TENM3: variants seen among roughly 807,000 people sequenced by gnomAD.
TENM3 encodes teneurin-3.
A neutral mutation model predicts 255.1 loss-of-function variants in TENM3; 63 were observed. The observed-to-expected ratio is 0.25, with a 90% CI of 0.20 to 0.30. TENM3 has a LOEUF of 0.30. Among genes scored for constraint, TENM3 ranks in the 10% least tolerant of loss-of-function variants. TENM3 has a pLI of 1.00. For synonymous variants in TENM3, 1,306 were observed against 1,322.3 expected, an observed-to-expected ratio of 0.99 and a Z score of 0.27; for missense variants, 2,929 against 3,461.1, an observed-to-expected ratio of 0.85 and a Z score of 3.86.
chr4:182,023,767 A>G, the TENM3 span, among the ~76,000 whole-genome samples: 1 of 152,224 alleles, frequency 6.6e-6, no homozygotes, highest in African/African-American at 2.4e-5. Context: ...AAGATCAAAG[A>G]TCAATTTTGC....
chr4:181,982,000 C>T, the TENM3 span, among the ~76,000 whole-genome samples: 5 of 152,014 alleles, frequency 3.3e-5, no homozygotes, highest in African/African-American at 1.2e-4. Flanking sequence ...TGAATGTTTG[C>T]CTGGGGAGTG....
At chr4:182,153,033 A>G (rs985187918) in intron 1 of TENM3, among the ~76,000 whole-genome samples, 1 of 151,916 alleles carries the variant, frequency 6.6e-6, no homozygotes, top group Non-Finnish European at 1.5e-5. Context: ...TAAATTATCT[A>G]CACTTGGGCT....
At chr4:181,667,803 G>A in the TENM3 span, among the ~76,000 whole-genome samples, 16 of 152,140 alleles carry the variant, frequency 1.1e-4, no homozygotes, top group Non-Finnish European at 2.4e-4. Context: ...CCTTTACAGA[G>A]AGAACTCTGG....
At chr4:182,522,451 G>A (rs1337296405) in intron 3 of TENM3, among the ~76,000 whole-genome samples, 1 of 152,110 alleles carries the variant, frequency 6.6e-6, no homozygotes, top group Non-Finnish European at 1.5e-5. Flanking sequence ...GTCTTCCTGT[G>A]CCTGGCTTAT....
At chr4:182,133,106 A>G in the TENM3 span, among the ~76,000 whole-genome samples, 8 of 152,340 alleles carry the variant, frequency 5.3e-5, no homozygotes, top group Admixed American at 3.9e-4. Flanking sequence ...ACTTGTTTTT[A>G]TGCTTTTCCC....
chr4:181,569,072 C>A, the TENM3 span, among the ~76,000 whole-genome samples: 1 of 152,146 alleles, frequency 6.6e-6, no homozygotes, highest in Non-Finnish European at 1.5e-5. Flanking sequence ...GTGGCTCATG[C>A]CTATAATCCC....
At position 182,615,070 on chromosome 4, in the gene TENM3, T is replaced by TATGTA. The variant is rs201005312; in HGVS notation, c.750-13581_750-13580insATGTA. On this transcript the variant is annotated intron_variant, in intron 4 of 27. Coordinates refer to ENST00000511685, the MANE Select transcript of TENM3 (RefSeq NM_001080477.4). Reference sequence around the variant, plus strand: ...ACATATATATATATATATATATGTATTTTTTTTTTCTTCTCCAAATAGCAG... The same window carrying TATGTA: ...ACATATATATATATATATATATGTATATGTATTTTTTTTTCTTCTCCAAATAGCAG... Among the ~76,000 whole-genome samples, 503 of 82,558 alleles carry TATGTA rather than the reference T, an allele frequency of 6.1e-3. 2 individuals are homozygous for TATGTA. Among genetic ancestry groups the TATGTA allele is most frequent in the East Asian group, 0.018 (57 of 3,206 alleles). The allele number at this position is 82,558 out of a possible 152,430, so 54.2% of individuals were successfully genotyped here.
chr4:182,596,505 A>G (rs1052547332), intron 3 of TENM3, among the ~76,000 whole-genome samples: 1 of 152,210 alleles, frequency 6.6e-6, no homozygotes, highest in Non-Finnish European at 1.5e-5. Flanking sequence ...TTACCTGGAG[A>G]AAACAGAGGT....
the TENM3 span, among the ~76,000 whole-genome samples, chr4:181,894,354 G>C: frequency 6.6e-6 from 1 of 152,166 alleles, no homozygotes; most frequent in African/African-American, 2.4e-5. Context: ...TCAGAAGCTT[G>C]TGCCGTGGAG....
rs114651010 is a variant in TENM3 at position 182,639,407 on chromosome 4, A to C, written c.988+10518A>C. On this transcript the variant is annotated intron_variant, in intron 5 of 27. Transcript: ENST00000511685. ...TTGAATAATGTGCCTGGCAAAATGTAAGTGCTCAGTTAATTTTAGCTCTTC... is the reference window on the plus strand; with the variant it reads ...TTGAATAATGTGCCTGGCAAAATGTCAGTGCTCAGTTAATTTTAGCTCTTC... Among the ~76,000 whole-genome samples the C allele has an allele frequency of 4.2e-3, 637 of 152,288 alleles. 3 individuals carry two copies. Among genetic ancestry groups the C allele is most frequent in the African/African-American group, 0.014 (583 of 41,572 alleles).
intron 3 of TENM3, among the ~76,000 whole-genome samples, chr4:182,593,625 G>A (rs191939800): frequency 6.6e-6 from 1 of 152,326 alleles, no homozygotes; most frequent in East Asian, 1.9e-4. Context: ...ACAGGGTGAA[G>A]GAAGTGGGTG....
chr4:182,009,594 G>A, the TENM3 span, among the ~76,000 whole-genome samples: 8 of 152,158 alleles, frequency 5.3e-5, no homozygotes, highest in South Asian at 2.1e-4. Flanking sequence ...GGGGAAAAGC[G>A]CAGCCTGGAG....
intron 19 of TENM3, among the ~76,000 whole-genome samples, chr4:182,745,817 G>GAAAAA (rs10655790): frequency 6.7e-6 from 1 of 149,696 alleles, no homozygotes; most frequent in Admixed American, 6.6e-5. Context: ...TCTCCCTCTG[G>GAAAAA]AAAAAAAAAA....
At chr4:182,047,577 A>AAAT in the TENM3 span, among the ~76,000 whole-genome samples, 1 of 149,126 alleles carries the variant, frequency 6.7e-6, no homozygotes, top group Non-Finnish European at 1.5e-5. Context: ...AAAAAAAAAA[A>AAAT]AAAAATGCAT....
At chr4:182,369,612 G>A (rs1766660501) in intron 3 of TENM3, among the ~76,000 whole-genome samples, 1 of 152,152 alleles carries the variant, frequency 6.6e-6, no homozygotes, top group African/African-American at 2.4e-5. Flanking sequence ...CAGGTGTAGT[G>A]GCTCATGCCT....
intron 3 of TENM3, among the ~76,000 whole-genome samples, chr4:182,514,468 T>A (rs150524024): frequency 2.6e-5 from 4 of 152,294 alleles, no homozygotes; most frequent in African/African-American, 9.6e-5. Flanking sequence ...TGTAGAAATA[T>A]CTAGTGAGCA....
chr4:181,619,165 T>C, the TENM3 span, among the ~76,000 whole-genome samples: 10 of 152,096 alleles, frequency 6.6e-5, no homozygotes, highest in African/African-American at 2.4e-4. Context: ...AAGGCACAGC[T>C]TCCTCGGAGT....
the TENM3 span, among the ~76,000 whole-genome samples, chr4:181,985,372 G>T: frequency 3.2e-4 from 49 of 150,942 alleles, no homozygotes; most frequent in Non-Finnish European, 6.9e-4. Flanking sequence ...TTTTTTATCT[G>T]CAAGAAGCTG....
At chr4:182,221,618 C>A (rs1755856890) in intron 1 of TENM3, among the ~76,000 whole-genome samples, 1 of 152,136 alleles carries the variant, frequency 6.6e-6, no homozygotes, top group African/African-American at 2.4e-5. Flanking sequence ...ATATACCATC[C>A]ATTTTCAGAA....
Sources: gnomAD v4.1 joint callset for allele counts (sites outside exome capture counted in the v4.1 genomes callset) on GRCh38, gnomAD v4.1.1 for gene constraint, MANE v1.5 for transcripts, NCBI Gene and HGNC (gene_info 2026-07-23, HGNC 2026-07-21) for gene names.